Variants in ROBO1 observed in about 807,000 individuals in gnomAD.
ROBO1 encodes roundabout homolog 1.
In ROBO1, 149 loss-of-function variants were observed where a neutral mutation model predicts 195.9. That is an observed-to-expected ratio of 0.76 (90% CI 0.67 to 0.87). The LOEUF (loss-of-function observed/expected upper bound fraction) is 0.87, where lower values mean the gene tolerates loss of function less well. Ranked by LOEUF, ROBO1 falls within the 40% of genes least tolerant of loss-of-function variation. The probability of loss-of-function intolerance (pLI) is 0.00; values close to 1 mark genes in which losing one functional copy is unlikely to be tolerated. For synonymous variants in ROBO1, 816 were observed against 733.2 expected (o/e 1.11, Z -1.82); for missense variants, 1,933 against 2,068.3 (o/e 0.93, Z 1.27).
chr3:79,569,107 C>A (rs555830577), intron 2 of ROBO1, among the ~76,000 whole-genome samples: 1 of 150,034 alleles, frequency 6.7e-6, no homozygotes, highest in South Asian at 2.1e-4. Flanking sequence ...TAACCAGACA[C>A]GCATGCGCGT....
chr3:79,162,550 A>G (rs2080988249), intron 2 of ROBO1, among the ~76,000 whole-genome samples: 1 of 152,130 alleles, frequency 6.6e-6, no homozygotes, highest in African/African-American at 2.4e-5. Flanking sequence ...TTAGCCAATC[A>G]TCTATCAATC....
rs549034591 is a variant in ROBO1, at chr3:79,560,535, TTATATATA to T, written c.88+29281_88+29288del. On this transcript the variant is annotated intron_variant, in intron 2 of 30. Transcript: ENST00000464233. ...AAAACTTAAAGTATAATAATAATAA[TTATATATA>T]TATATATATATATATACACATACAC... is the stretch of plus-strand genomic sequence containing the variant. 4.6e-3 allele frequency among the ~76,000 whole-genome samples: 526 copies of T among 115,218 alleles called. 15 individuals are homozygous for T. Among genetic ancestry groups the T allele is most frequent in the African/African-American group, 0.017 (442 of 25,418 alleles). 75.6% of individuals were successfully genotyped at this position (115,218 alleles called of 152,430 possible).
At chr3:79,619,887 C>T (rs374240127) in intron 1 of ROBO1, among the ~76,000 whole-genome samples, 1 of 152,302 alleles carries the variant, frequency 6.6e-6, no homozygotes, top group African/African-American at 2.4e-5. Flanking sequence ...TCAAACCCCA[C>T]AACAGGACTT....
intron 4 of ROBO1, among the ~76,000 whole-genome samples, chr3:78,929,656 C>T (rs2039403486): frequency 6.6e-6 from 1 of 151,894 alleles, no homozygotes; most frequent in Admixed American, 6.6e-5. Flanking sequence ...GCATGCACCA[C>T]CACGCCCGGC....
chr3:78,849,833 C>CACAT (rs3037552), intron 4 of ROBO1, among the ~76,000 whole-genome samples: 13,962 of 127,888 alleles, frequency 0.11, 747 homozygotes, highest in Middle Eastern at 0.16. Flanking sequence ...TCTCCCATTA[C>CACAT]ACACACACAC....
intron 22 of ROBO1, among the ~76,000 whole-genome samples, chr3:78,637,571 T>G (rs1705598249): frequency 6.6e-6 from 1 of 152,184 alleles, no homozygotes; most frequent in African/African-American, 2.4e-5. Context: ...TTTATTAAAT[T>G]CAATGTAAAT....
chr3:79,444,075 T>C (rs2039152465), intron 2 of ROBO1, among the ~76,000 whole-genome samples: 1 of 152,120 alleles, frequency 6.6e-6, no homozygotes, highest in Admixed American at 6.5e-5. Flanking sequence ...TTTCAGAATA[T>C]CTTTATCACC....
chr3:78,944,018 A>G (rs1317478630), intron 3 of ROBO1, among the ~76,000 whole-genome samples: 2 of 152,242 alleles, frequency 1.3e-5, no homozygotes, highest in African/African-American at 4.8e-5. Flanking sequence ...AAGTCTAAGC[A>G]GGAAGAAAAG....
intron 4 of ROBO1, among the ~76,000 whole-genome samples, chr3:78,749,361 T>C (rs953453199): frequency 6.6e-6 from 1 of 152,134 alleles, no homozygotes; most frequent in Admixed American, 6.5e-5. Flanking sequence ...GTCAGATAAA[T>C]CAAGTTTTTC....
rs944502736 is a variant in ROBO1, at chr3:79,211,362, T to G, written c.89-85823A>C. Among the ~76,000 whole-genome samples, 58 of 152,234 alleles carry G rather than the reference T, an allele frequency of 3.8e-4. 1 individual carries two copies. The highest frequency in any genetic ancestry group is 1.3e-3 in the African/African-American group (56 of 41,568). On this transcript the variant is annotated intron_variant, in intron 2 of 30. Coordinates refer to ENST00000464233, the MANE Select transcript of ROBO1 (RefSeq NM_002941.4). ...TTGTATTATTTACAATTTAATGAGA[T>G]AAATTTTAATTTAAGATAAATATAT...
chr3:78,791,007 A>G (rs764760193), intron 4 of ROBO1, among the ~76,000 whole-genome samples: 1 of 152,324 alleles, frequency 6.6e-6, no homozygotes, highest in Admixed American at 6.5e-5. Flanking sequence ...AGGAAATAGG[A>G]TAACACAAAT....
At chr3:78,774,133 T>A (rs975215159) in intron 4 of ROBO1, among the ~76,000 whole-genome samples, 2 of 152,204 alleles carry the variant, frequency 1.3e-5, no homozygotes, top group Non-Finnish European at 2.9e-5. Flanking sequence ...TTCCTCCAAG[T>A]CCTTTTCATT....
chr3:78,611,381 T>TATTA (rs1703798952), intron 28 of ROBO1, among the ~76,000 whole-genome samples: 1 of 152,216 alleles, frequency 6.6e-6, no homozygotes, highest in Non-Finnish European at 1.5e-5. Context: ...GGAAAGAATC[T>TATTA]ATTAGAAGGT....
At chr3:79,630,802 TA>T (rs1288705431) in intron 1 of ROBO1, among the ~76,000 whole-genome samples, 12 of 151,942 alleles carry the variant, frequency 7.9e-5, no homozygotes, top group African/African-American at 2.2e-4. Context: ...AAAATCAACA[TA>T]AAAAAATCAG....
chr3:79,628,481 T>A (rs1945245598), intron 1 of ROBO1, among the ~76,000 whole-genome samples: 2 of 151,894 alleles, frequency 1.3e-5, no homozygotes, highest in African/African-American at 4.8e-5. Flanking sequence ...CAGGGCCTGT[T>A]GGGGGATGAG....
At chr3:78,924,745 A>C (rs2039117621) in intron 4 of ROBO1, among the ~76,000 whole-genome samples, 1 of 152,128 alleles carries the variant, frequency 6.6e-6, no homozygotes, top group Non-Finnish European at 1.5e-5. Context: ...CATCTCAGTC[A>C]AAGGAAGCAA....
intron 1 of ROBO1, among the ~76,000 whole-genome samples, chr3:79,595,804 T>C (rs945421986): frequency 6.6e-5 from 10 of 151,712 alleles, no homozygotes; most frequent in Middle Eastern, 3.2e-3. Context: ...CCATCTGTTT[T>C]GGCCTCTGGA....
intron 2 of ROBO1, among the ~76,000 whole-genome samples, chr3:79,556,751 G>T (rs1366827312): frequency 6.6e-6 from 1 of 151,714 alleles, no homozygotes; most frequent in Non-Finnish European, 1.5e-5. Flanking sequence ...CATATCTGTT[G>T]ATAGTTTTTG....
chr3:78,935,220 T>C (rs1161750871), intron 4 of ROBO1, among the ~76,000 whole-genome samples: 3 of 152,062 alleles, frequency 2.0e-5, no homozygotes, highest in African/African-American at 7.2e-5. Context: ...TATACACTTT[T>C]AGGAAAAATA....
Sources: gnomAD v4.1 joint callset for allele counts (sites outside exome capture counted in the v4.1 genomes callset) on GRCh38, gnomAD v4.1.1 for gene constraint, MANE v1.5 for transcripts, NCBI Gene and HGNC (gene_info 2026-07-23, HGNC 2026-07-21) for gene names.